Variants in PRKD1 observed in about 807,000 individuals in gnomAD.
PRKD1 encodes protein kinase D1.
PRKD1 carries 63 observed loss-of-function variants against 95.9 expected under a neutral mutation model. That is an observed-to-expected ratio of 0.66 (90% CI 0.54 to 0.81). PRKD1 has a LOEUF of 0.81. Among genes scored for constraint, PRKD1 ranks in the 30% least tolerant of loss-of-function variants. PRKD1 has a pLI of 0.00. For synonymous variants in PRKD1, 425 were observed against 423.1 expected (o/e 1.00, Z -0.05); for missense variants, 1,048 against 1,165.3 (o/e 0.90, Z 1.47).
intron 1 of PRKD1, among the ~76,000 whole-genome samples, chr14:29,843,395 A>G (rs1281305210): frequency 6.6e-6 from 1 of 152,178 alleles, no homozygotes; most frequent in African/African-American, 2.4e-5. Flanking sequence ...GCTCCAGAAA[A>G]TAAATATGGA....
intron 13 of PRKD1, 133 bp from the exon 14 acceptor site, chr14:29,599,950 A>G: frequency 1.6e-6 from 1 of 629,754 alleles, no homozygotes; most frequent in Non-Finnish European, 2.5e-6. Context: ...ACACCTCTAC[A>G]TTCCACATGT....
chr14:29,680,354 T>C (rs45520142), intron 2 of PRKD1, among the ~76,000 whole-genome samples: 4,848 of 152,136 alleles, frequency 0.032, 111 homozygotes, highest in Middle Eastern at 0.048. Flanking sequence ...GTCTAGTGAG[T>C]ATTGTTTAGG....
At chr14:29,656,048 G>A (rs943459870) in intron 4 of PRKD1, among the ~76,000 whole-genome samples, 2 of 152,036 alleles carry the variant, frequency 1.3e-5, no homozygotes, top group Non-Finnish European at 2.9e-5. Context: ...TGCCTCTGTG[G>A]TACCTGGGAT....
intron 1 of PRKD1, among the ~76,000 whole-genome samples, chr14:29,900,741 T>A (rs887007910): frequency 6.6e-6 from 1 of 152,064 alleles, no homozygotes; most frequent in African/African-American, 2.4e-5. Context: ...ATGCTCCACA[T>A]CACTAATCAT....
At position 29,636,284 on chromosome 14, in the gene PRKD1, T is replaced by C; in HGVS notation, c.1190+6A>G. ...TGTTGGCTGAGGCTGGGAGTGCTGC[T>C]CTCACCTGATGGTTCTGTTGGCGTC... On this transcript the variant is annotated splice_donor_region_variant and intron_variant, in intron 7 of 17. Coordinates refer to ENST00000331968, the MANE Select transcript of PRKD1 (RefSeq NM_002742.3). 6.2e-7 allele frequency: 1 copy of C among 1,614,248 alleles called. No individual in the cohort carries two copies. Among genetic ancestry groups the C allele is most frequent in the East Asian group, 2.2e-5 (1 of 44,886 alleles).
chr14:29,878,969 C>A (rs1290617331), intron 1 of PRKD1, among the ~76,000 whole-genome samples: 3 of 152,092 alleles, frequency 2.0e-5, no homozygotes, highest in African/African-American at 7.2e-5. Context: ...CCACCTAAAA[C>A]CCAGATTCCT....
intron 1 of PRKD1, among the ~76,000 whole-genome samples, chr14:29,871,771 T>C (rs906523604): frequency 3.3e-5 from 5 of 152,172 alleles, no homozygotes; most frequent in African/African-American, 1.2e-4. Flanking sequence ...GACTTGTCCA[T>C]TGAGTGCTTG....
intron 12 of PRKD1, among the ~76,000 whole-genome samples, chr14:29,624,789 C>T (rs935213719): frequency 1.3e-5 from 2 of 152,042 alleles, no homozygotes; most frequent in African/African-American, 2.4e-5. Flanking sequence ...ATACAAAATA[C>T]CCTGGTAACT....
intron 13 of PRKD1, among the ~76,000 whole-genome samples, chr14:29,602,128 G>A (rs1208827718): frequency 6.6e-6 from 1 of 152,148 alleles, no homozygotes; most frequent in South Asian, 2.1e-4. Context: ...GTGGGAAGCA[G>A]AAGCAATGAA....
chr14:29,786,125 T>A (rs546217587), intron 1 of PRKD1, among the ~76,000 whole-genome samples: 1 of 152,298 alleles, frequency 6.6e-6, no homozygotes, highest in South Asian at 2.1e-4. Context: ...GTCCATTCTG[T>A]TGATGTGATG....
intron 2 of PRKD1, among the ~76,000 whole-genome samples, chr14:29,676,123 A>T (rs1883179388): frequency 1.3e-5 from 2 of 151,512 alleles, no homozygotes; most frequent in African/African-American, 4.9e-5. Context: ...TATAATAAAA[A>T]ATTTTTAAAA....
At chr14:29,605,492 C>T (rs961590960) in intron 13 of PRKD1, among the ~76,000 whole-genome samples, 2 of 152,138 alleles carry the variant, frequency 1.3e-5, no homozygotes, top group African/African-American at 2.4e-5. Flanking sequence ...GAACGTTTAT[C>T]GGGTGTGAAT....
chr14:29,702,435 C>T (rs1201044129), intron 2 of PRKD1, among the ~76,000 whole-genome samples: 3 of 151,854 alleles, frequency 2.0e-5, no homozygotes, highest in South Asian at 2.1e-4. Context: ...TTCTCACTTC[C>T]CTGTTATATG....
chr14:29,616,446 GTT>G (rs10706104), intron 13 of PRKD1, among the ~76,000 whole-genome samples: 4 of 147,804 alleles, frequency 2.7e-5, no homozygotes, highest in Admixed American at 6.8e-5. Context: ...ATCGTTTATG[GTT>G]TTTTTTTTTC....
At chr14:29,661,393 C>T (rs773437546) in intron 4 of PRKD1, among the ~76,000 whole-genome samples, 2 of 152,068 alleles carry the variant, frequency 1.3e-5, no homozygotes, top group Non-Finnish European at 2.9e-5. Flanking sequence ...GCTATAATAT[C>T]ACCTCTTATT....
chr14:29,746,531 T>TAC (rs143019466), intron 1 of PRKD1, among the ~76,000 whole-genome samples: 17,857 of 149,408 alleles, frequency 0.12, 2,047 homozygotes, highest in African/African-American at 0.3. Flanking sequence ...TGTACATATA[T>TAC]ACACACACAC....
intron 1 of PRKD1, among the ~76,000 whole-genome samples, chr14:29,759,462 T>G (rs897836338): frequency 1.3e-5 from 2 of 152,218 alleles, no homozygotes; most frequent in African/African-American, 4.8e-5. Flanking sequence ...TCTTCATACT[T>G]CAGATAACCT....
At chr14:29,728,652 C>T (rs1318253760) in intron 1 of PRKD1, among the ~76,000 whole-genome samples, 2 of 152,088 alleles carry the variant, frequency 1.3e-5, no homozygotes, top group Admixed American at 6.6e-5. Flanking sequence ...ATGGATCTAG[C>T]ATAATTGTTT....
chr14:29,924,361 G>C (rs936917126), intron 1 of PRKD1, among the ~76,000 whole-genome samples: 1 of 152,096 alleles, frequency 6.6e-6, no homozygotes, highest in Non-Finnish European at 1.5e-5. Context: ...CATAATTAGA[G>C]AACAACTATA....
Sources: gnomAD v4.1 joint callset for allele counts (sites outside exome capture counted in the v4.1 genomes callset) on GRCh38, gnomAD v4.1.1 for gene constraint, MANE v1.5 for transcripts, NCBI Gene and HGNC (gene_info 2026-07-23, HGNC 2026-07-21) for gene names.